Variants in EML4 observed in about 807,000 individuals in gnomAD.
The protein encoded by EML4 is EMAP like 4.
In EML4, 72 loss-of-function variants were observed where a neutral mutation model predicts 129.0. The ratio of observed to expected loss-of-function variants is 0.56; its 90% CI spans 0.46 to 0.68. The LOEUF (loss-of-function observed/expected upper bound fraction) is 0.68. Ranked by LOEUF, EML4 falls within the 30% of genes least tolerant of loss-of-function variation. The probability of loss-of-function intolerance (pLI) is 0.00; values close to 1 mark genes in which losing one functional copy is unlikely to be tolerated. For synonymous variants in EML4, 532 were observed against 405.0 expected (o/e 1.31, Z -3.77); for missense variants, 1,363 against 1,190.6 (o/e 1.14, Z -2.13).
intron 1 of EML4, among the ~76,000 whole-genome samples, chr2:42,242,623 G>C (rs530810320): frequency 6.6e-6 from 1 of 152,030 alleles, no homozygotes; most frequent in African/African-American, 2.4e-5. Flanking sequence ...GTATTAGACT[G>C]AGCCATATTA....
intron 2 of EML4, among the ~76,000 whole-genome samples, chr2:42,248,334 C>T (rs997166768): frequency 2.0e-5 from 3 of 152,002 alleles, no homozygotes; most frequent in African/African-American, 7.2e-5. Flanking sequence ...TAAGGTATTT[C>T]AGTAAAGAAA....
chr2:42,231,463 C>G (rs1039543306), intron 1 of EML4, among the ~76,000 whole-genome samples: 1 of 152,180 alleles, frequency 6.6e-6, no homozygotes, highest in South Asian at 2.1e-4. Context: ...CTCAGCAGAT[C>G]CAAAACCACA....
At chr2:42,296,666 GT>G in intron 13 of EML4, among the ~76,000 whole-genome samples, 1 of 152,238 alleles carries the variant, frequency 6.6e-6, no homozygotes, top group East Asian at 1.9e-4. Context: ...AAAACTATTT[GT>G]CAAACATTAA....
At chr2:42,296,477 T>TCTCTCTCTC (rs1553388818) in intron 13 of EML4, among the ~76,000 whole-genome samples, 1 of 148,920 alleles carries the variant, frequency 6.7e-6, no homozygotes, top group Non-Finnish European at 1.5e-5. Flanking sequence ...CACCTTATAC[T>TCTCTCTCTC]TCTCTCTCTC....
At chr2:42,279,243 C>G (rs780495813) in intron 6 of EML4, among the ~76,000 whole-genome samples, 2 of 152,120 alleles carry the variant, frequency 1.3e-5, no homozygotes, top group Admixed American at 1.3e-4. Context: ...GTGAATAGTG[C>G]TGCTGTGAAC....
At chr2:42,245,976 G>A (rs1228021154) in intron 2 of EML4, among the ~76,000 whole-genome samples, 1 of 152,158 alleles carries the variant, frequency 6.6e-6, no homozygotes, top group Non-Finnish European at 1.5e-5. Context: ...GGCAGGAACT[G>A]AATCATCGTT....
At chr2:42,276,217 C>T (rs938645551) in intron 6 of EML4, among the ~76,000 whole-genome samples, 1 of 151,998 alleles carries the variant, frequency 6.6e-6, no homozygotes, top group Non-Finnish European at 1.5e-5. Context: ...ATGATGTTTC[C>T]CCTTTTTTGG....
chr2:42,253,612 A>C (rs1055370926), intron 2 of EML4, among the ~76,000 whole-genome samples: 22 of 152,328 alleles, frequency 1.4e-4, no homozygotes, highest in African/African-American at 5.3e-4. Context: ...TTGGTAGTGA[A>C]GATGCATCCA....
chr2:42,263,683 G>A (rs1255120774), intron 5 of EML4, among the ~76,000 whole-genome samples: 9 of 151,790 alleles, frequency 5.9e-5, no homozygotes, highest in East Asian at 1.9e-4. Context: ...GATTCCAGGC[G>A]TGAGCCACCA....
At chr2:42,288,405 C>G (rs1667431994) in intron 11 of EML4, 83 bp downstream of exon 11, 9 of 652,088 alleles carry the variant, frequency 1.4e-5, no homozygotes, top group Middle Eastern at 3.0e-4. Context: ...GGTATTAGAA[C>G]TATCTATTCG....
intron 1 of EML4, among the ~76,000 whole-genome samples, chr2:42,220,544 C>G (rs143084227): frequency 1.3e-5 from 2 of 152,228 alleles, no homozygotes; most frequent in Non-Finnish European, 2.9e-5. Flanking sequence ...CTGTCTCTCT[C>G]CCTCTCCTCA....
At chr2:42,308,505 AAAC>A (rs1668741878) in intron 17 of EML4, among the ~76,000 whole-genome samples, 1 of 152,202 alleles carries the variant, frequency 6.6e-6, no homozygotes, top group Non-Finnish European at 1.5e-5. Context: ...TCAAAACAAA[AAAC>A]AAAAGTTAAT....
intron 1 of EML4, among the ~76,000 whole-genome samples, chr2:42,217,529 T>C (rs1673274525): frequency 6.6e-6 from 1 of 152,234 alleles, no homozygotes; most frequent in South Asian, 2.1e-4. Context: ...TATTTGTCTT[T>C]TAGGCTTTGC....
intron 2 of EML4, 30 bp from the exon 3 acceptor site, chr2:42,256,471 G>C (rs756191538): frequency 6.5e-5 from 101 of 1,564,530 alleles, no homozygotes; most frequent in Middle Eastern, 1.7e-4. Flanking sequence ...ATTCAAATTT[G>C]ATATAATTTT....
At chr2:42,190,435 G>C (rs1416627584) in intron 1 of EML4, among the ~76,000 whole-genome samples, 1 of 152,064 alleles carries the variant, frequency 6.6e-6, no homozygotes, top group African/African-American at 2.4e-5. Flanking sequence ...TGGATGTAAG[G>C]GACGAAGAAA....
At position 42,332,544 on chromosome 2, in the gene EML4, T is replaced by C. The variant is rs1670156113; in HGVS notation, c.*2337T>C. ...TAAAATAATCAAAATGTTTCCTCTTTCTAAGTGCGTCTTAACTCTTTCTTC... is the reference window on the plus strand; with the variant it reads ...TAAAATAATCAAAATGTTTCCTCTTCCTAAGTGCGTCTTAACTCTTTCTTC... On this transcript the variant is annotated 3_prime_UTR_variant, in exon 23 of 23. Coordinates refer to ENST00000318522, the MANE Select transcript of EML4 (RefSeq NM_019063.5). The C allele has an allele frequency of 5.6e-6, 1 of 179,806 alleles. No homozygotes were observed. The highest frequency in any genetic ancestry group is 1.2e-5 in the Non-Finnish European group (1 of 83,738). 11.1% of individuals were successfully genotyped at this position (179,806 alleles called of 1,614,324 possible).
intron 2 of EML4, among the ~76,000 whole-genome samples, chr2:42,248,542 A>T (rs1271211841): frequency 2.0e-5 from 3 of 152,118 alleles, no homozygotes; most frequent in African/African-American, 7.2e-5. Flanking sequence ...AATTATCCTT[A>T]GTCATAATTC....
chr2:42,269,746 C>A (rs1016936993), intron 6 of EML4, among the ~76,000 whole-genome samples: 1 of 152,152 alleles, frequency 6.6e-6, no homozygotes, highest in African/African-American at 2.4e-5. Flanking sequence ...AACTTTCTTG[C>A]TCTATTAAGG....
At chr2:42,285,324 G>C (rs1667231297) in intron 9 of EML4, among the ~76,000 whole-genome samples, 1 of 152,164 alleles carries the variant, frequency 6.6e-6, no homozygotes, top group Non-Finnish European at 1.5e-5. Flanking sequence ...AGGATCAACA[G>C]TGACTATTAA....
Sources: allele counts gnomAD v4.1 joint callset (sites outside exome capture counted in the v4.1 genomes callset), GRCh38; gene constraint gnomAD v4.1.1; transcripts MANE v1.5; gene names NCBI Gene and HGNC (gene_info 2026-07-23, HGNC 2026-07-21).